Variants in ILDR1 observed in about 807,000 individuals in gnomAD.
ILDR1 encodes the protein immunoglobulin like domain containing receptor 1.
ILDR1 carries 56 observed loss-of-function variants against 62.4 expected under a neutral mutation model. The observed-to-expected ratio is 0.90, with a 90% confidence interval of 0.72 to 1.12. The LOEUF (loss-of-function observed/expected upper bound fraction) is 1.12. ILDR1 is among the 50% of genes most tolerant of loss of function. ILDR1 has a pLI of 0.00. For missense variants in ILDR1, 736 were observed against 710.6 expected (o/e 1.04, Z -0.41); for synonymous variants, 284 against 277.8 (o/e 1.02, Z -0.22).
rs543019223 is a variant in ILDR1, at chr3:121,993,580, A to G, written c.1169T>C (p.Leu390Ser). Residue 390 changes from leucine (L) to serine (S), a missense_variant, in exon 7 of 8, where the codon TTG becomes TCG. Leu to Ser is a moderately radical substitution (Grantham distance 145, BLOSUM62 -2). Transcript: ENST00000344209. ...LQDRGPKSWA[L>S]ERRELDPSWS... Reference sequence around the variant, plus strand: ...CGATGGGTCCAACTCCCTTCTTTCCAATGCCCAAGACTTTGGCCCCCGGTC... The same window carrying G: ...CGATGGGTCCAACTCCCTTCTTTCCGATGCCCAAGACTTTGGCCCCCGGTC... 8.7e-6 allele frequency: 14 copies of G among 1,614,134 alleles called. No homozygotes were observed. The African/African-American group carries it at 1.2e-4, about 14-fold the overall frequency.
chr3:122,003,077 T>G (rs2107658104), intron 3 of ILDR1, among the ~76,000 whole-genome samples: 1 of 152,286 alleles, frequency 6.6e-6, no homozygotes, highest in Middle Eastern at 3.4e-3. Context: ...CCCTCTTCTG[T>G]CCTGAAAGGG....
At chr3:122,004,669 G>A (rs2107660367) in intron 3 of ILDR1, among the ~76,000 whole-genome samples, 1 of 152,302 alleles carries the variant, frequency 6.6e-6, no homozygotes, top group Admixed American at 6.5e-5. Context: ...CATGATGCCT[G>A]TCGTTCAGAT....
At position 122,011,197 on chromosome 3, in the gene ILDR1, G is replaced by T. The variant is rs74566839; in HGVS notation, c.59-4036C>A. 4.9e-3 allele frequency among the ~76,000 whole-genome samples: 742 copies of T among 152,276 alleles called. 8 individuals are homozygous for T. Among genetic ancestry groups the T allele is most frequent in the African/African-American group, 0.017 (700 of 41,552 alleles). ...TGAATGTAATTTGATATAAATAGCA[G>T]TTTAATCAACACTCTAGTCAATATC... On this transcript the variant is annotated intron_variant, in intron 1 of 7. Coordinates refer to ENST00000344209, the MANE Select transcript of ILDR1 (RefSeq NM_001199799.2).
the ILDR1 span, among the ~76,000 whole-genome samples, chr3:122,029,284 A>G: frequency 6.6e-6 from 1 of 152,034 alleles, no homozygotes; most frequent in Non-Finnish European, 1.5e-5. Flanking sequence ...AGGTGGGTGG[A>G]TCACTTGAGG....
chr3:122,040,284 T>A, the ILDR1 span, among the ~76,000 whole-genome samples: 1 of 151,942 alleles, frequency 6.6e-6, no homozygotes, highest in South Asian at 2.1e-4. Flanking sequence ...AAAACTGCAA[T>A]CTTGGAAACC....
chr3:122,049,175 T>G, the ILDR1 span, among the ~76,000 whole-genome samples: 1 of 152,222 alleles, frequency 6.6e-6, no homozygotes, highest in Non-Finnish European at 1.5e-5. Context: ...TCCACATATT[T>G]GTGAATTTTC....
chr3:122,044,607 T>A, the ILDR1 span, among the ~76,000 whole-genome samples: 6 of 151,686 alleles, frequency 4.0e-5, no homozygotes, highest in Non-Finnish European at 7.4e-5. Context: ...CTGTTATTGG[T>A]TTATTCAGAG....
intron 5 of ILDR1, among the ~76,000 whole-genome samples, chr3:121,999,136 C>T (rs547292887): frequency 5.3e-5 from 8 of 152,238 alleles, no homozygotes; most frequent in Admixed American, 2.0e-4. Context: ...CTCAGGCCAC[C>T]GACTTTCTTC....
chr3:122,059,891 G>A, the ILDR1 span, among the ~76,000 whole-genome samples: 3 of 152,156 alleles, frequency 2.0e-5, no homozygotes, highest in Non-Finnish European at 4.4e-5. Context: ...GACACAGGGC[G>A]AAGACGGCCA....
intron 2 of ILDR1, 112 bp from the exon 3 acceptor site, chr3:122,005,505 A>G (rs1281477510): frequency 1.7e-6 from 2 of 1,150,900 alleles, no homozygotes; most frequent in African/African-American, 1.5e-5. Context: ...ATTTTTCCCA[A>G]GACTATTCAT....
rs2071399276 is a variant in ILDR1, at chr3:121,993,972, T to G, written c.779-2A>C. The G allele has an allele frequency of 6.2e-7, 1 of 1,607,666 alleles. No individual in the cohort carries two copies. Among genetic ancestry groups the G allele is most frequent in the African/African-American group, 1.3e-5 (1 of 74,888 alleles). ...GGAGGCTGGACGGCAGGGACAAATC[T>G]GAATGGAAACAAGGACAGGACAATA... On this transcript the variant is annotated splice_acceptor_variant, in intron 6 of 7. Coordinates refer to ENST00000344209, the MANE Select transcript of ILDR1 (RefSeq NM_001199799.2). LOFTEE classifies it high-confidence loss of function.
chr3:122,036,288 A>C, the ILDR1 span, among the ~76,000 whole-genome samples: 2 of 152,262 alleles, frequency 1.3e-5, no homozygotes, highest in Non-Finnish European at 2.9e-5. Context: ...ACTGAAACTC[A>C]TATTTAAAAG....
the ILDR1 span, among the ~76,000 whole-genome samples, chr3:122,050,801 C>A: frequency 6.6e-6 from 1 of 152,096 alleles, no homozygotes; most frequent in African/African-American, 2.4e-5. Context: ...TTCAAGGACT[C>A]TCTTTAGCAT....
chr3:122,046,284 A>G, the ILDR1 span, among the ~76,000 whole-genome samples: 1 of 149,880 alleles, frequency 6.7e-6, no homozygotes, highest in South Asian at 2.1e-4. Flanking sequence ...CTGCCGAGAG[A>G]TCCGCTGTTA....
the ILDR1 span, among the ~76,000 whole-genome samples, chr3:122,044,982 C>T: frequency 7.4e-5 from 11 of 149,458 alleles, no homozygotes; most frequent in Non-Finnish European, 1.4e-4. Context: ...TTTGCTCTTG[C>T]TTTTCTAGTT....
At chr3:122,047,393 G>A in the ILDR1 span, among the ~76,000 whole-genome samples, 1 of 152,270 alleles carries the variant, frequency 6.6e-6, no homozygotes, top group African/African-American at 2.4e-5. Flanking sequence ...GCCCCCAGAG[G>A]TGGAGCCTAC....
At chr3:122,047,866 C>A in the ILDR1 span, among the ~76,000 whole-genome samples, 3 of 152,234 alleles carry the variant, frequency 2.0e-5, no homozygotes, top group African/African-American at 7.2e-5. Context: ...GCAGAAATCA[C>A]CCGTCTTCTG....
chr3:122,009,580 T>C (rs186006181), intron 1 of ILDR1, among the ~76,000 whole-genome samples: 2 of 152,340 alleles, frequency 1.3e-5, no homozygotes, highest in Admixed American at 1.3e-4. Flanking sequence ...AGTGTCAGTA[T>C]GTGAGTCTCT....
At chr3:122,014,016 A>G (rs13073767) in intron 1 of ILDR1, among the ~76,000 whole-genome samples, 37,201 of 152,188 alleles carry the variant, frequency 0.24, 5,076 homozygotes, top group Admixed American at 0.37. Context: ...GCTTAAGGCC[A>G]CACAGCTAGA....
Sources: allele counts gnomAD v4.1 joint callset (sites outside exome capture counted in the v4.1 genomes callset), GRCh38; gene constraint gnomAD v4.1.1; transcripts MANE v1.5; gene names NCBI Gene and HGNC (gene_info 2026-07-23, HGNC 2026-07-21).